The following ECI1 variants were observed in gnomAD, a reference collection of about 807,000 sequenced individuals.
ECI1 encodes enoyl-CoA delta isomerase 1, mitochondrial.
Under a neutral mutation model 34.2 loss-of-function variants are expected in ECI1, and 34 were observed. That is an observed-to-expected ratio of 1.00 (90% confidence interval 0.76 to 1.33). The LOEUF (loss-of-function observed/expected upper bound fraction) is 1.33, where lower values mean the gene tolerates loss of function less well. Among genes scored for constraint, ECI1 ranks in the 40% most tolerant of loss-of-function variants. ECI1 has a pLI of 0.00. For synonymous variants in ECI1, 211 were observed against 193.0 expected, an observed-to-expected ratio of 1.09 and a Z score of -0.77; for missense variants, 456 against 422.2, an observed-to-expected ratio of 1.08 and a Z score of -0.70.
chr16:2,248,320 C>T (rs557880107), intron 2 of ECI1, among the ~76,000 whole-genome samples: 11 of 151,990 alleles, frequency 7.2e-5, no homozygotes, highest in African/African-American at 1.2e-4. Flanking sequence ...AGGATGGTCT[C>T]GATCTCTTGA....
At chr16:2,250,422 T>C (rs891217882) in intron 2 of ECI1, among the ~76,000 whole-genome samples, 7 of 152,272 alleles carry the variant, frequency 4.6e-5, no homozygotes, top group African/African-American at 1.4e-4. Flanking sequence ...CTGTGCAAAG[T>C]TGGGCACAGC....
intron 3 of ECI1, among the ~76,000 whole-genome samples, chr16:2,245,032 CAAGG>C (rs2093537025): frequency 6.6e-6 from 1 of 152,142 alleles, no homozygotes; most frequent in African/African-American, 2.4e-5. Flanking sequence ...CAGCAGCTAC[CAAGG>C]AAGGGCGAGG....
chr16:2,249,346 G>T (rs951723250), intron 2 of ECI1, among the ~76,000 whole-genome samples: 9 of 151,992 alleles, frequency 5.9e-5, no homozygotes, highest in African/African-American at 2.2e-4. Context: ...ACCGGGCCCG[G>T]ACTCAAAAAC....
At chr16:2,250,254 ACAT>A (rs1246231155) in intron 2 of ECI1, among the ~76,000 whole-genome samples, 3 of 113,190 alleles carry the variant, frequency 2.7e-5, no homozygotes, top group African/African-American at 1.1e-4. Flanking sequence ...GAGCAAGACT[ACAT>A]CTCCAAAAAA....
chr16:2,248,650 G>A (rs142890068), intron 2 of ECI1, among the ~76,000 whole-genome samples: 2 of 152,024 alleles, frequency 1.3e-5, no homozygotes, highest in African/African-American at 4.8e-5. Context: ...CTGACCTCAG[G>A]TGATCCTCCT....
At chr16:2,244,119 A>C in intron 4 of ECI1, 1 of 513,740 alleles carries the variant, frequency 1.9e-6, no homozygotes, top group South Asian at 2.1e-5. Flanking sequence ...TCACCCACTC[A>C]CCCACACAGC....
intron 2 of ECI1, among the ~76,000 whole-genome samples, chr16:2,247,786 A>C (rs1454695369): frequency 6.6e-6 from 1 of 152,120 alleles, no homozygotes; most frequent in Non-Finnish European, 1.5e-5. Context: ...TGGTTACTGC[A>C]GCTTTGACCT....
Position 2,242,975 on chromosome 16 carries a change from G to C in ECI1, c.742+71C>G, listed in dbSNP as rs141852288. 4.8e-6 allele frequency: 6 copies of C among 1,256,274 alleles called. No individual in the cohort carries two copies. In the African/African-American group the frequency reaches 5.8e-5, roughly 12 times the overall value. 77.8% of individuals were successfully genotyped at this position (1,256,274 alleles called of 1,614,324 possible). A position where few individuals can be genotyped will look rare whatever the true frequency, so the allele number is the denominator to read the frequency against. ...GTCTCCCGAAGTCACGATGTCCACAGAAAACCTTTGGGTGGAGAACCTTCT... is the reference window on the plus strand; with the variant it reads ...GTCTCCCGAAGTCACGATGTCCACACAAAACCTTTGGGTGGAGAACCTTCT... On this transcript the variant is annotated intron_variant, in intron 6 of 6. Coordinates refer to ENST00000301729, the MANE Select transcript of ECI1 (RefSeq NM_001919.4).
Position 2,244,503 on chromosome 16 carries a change from C to T in ECI1, c.344G>A (p.Gly115Glu), listed in dbSNP as rs1474825185. 7 of 1,605,616 alleles carry T rather than the reference C, an allele frequency of 4.4e-6. No homozygotes were observed. The highest frequency in any genetic ancestry group is 1.1e-5 in the South Asian group (1 of 89,608). Residue 115 changes from glycine (G) to glutamate (E), a missense_variant, in exon 4 of 7, where the codon GGG becomes GAG. Physicochemically the swap from Gly to Glu is moderately conservative, Grantham distance 98. Transcript: ENST00000301729. ...SAGLDLTEMC[G>E]RSPAHYAGYW... ...CCCAGCGTAGTGGGCGGGGCTCCTC[C>T]CACACATCTCCGTCAGGTCCAGGCC...
chr16:2,242,739 C>T (rs1437822706), intron 6 of ECI1: 5 of 469,338 alleles, frequency 1.1e-5, no homozygotes, highest in Non-Finnish European at 1.9e-5. Context: ...GAGGCGCCCA[C>T]AAGCCCAGGG....
intron 2 of ECI1, among the ~76,000 whole-genome samples, chr16:2,249,303 C>A (rs1197648332): frequency 6.6e-6 from 1 of 151,872 alleles, no homozygotes; most frequent in Non-Finnish European, 1.5e-5. Flanking sequence ...CGCACCCTGG[C>A]CTCCCAAAGT....
At chr16:2,248,047 T>C (rs2093544475) in intron 2 of ECI1, among the ~76,000 whole-genome samples, 1 of 152,166 alleles carries the variant, frequency 6.6e-6, no homozygotes, top group Non-Finnish European at 1.5e-5. Context: ...AACAATTTTA[T>C]TTATTCTATA....
chr16:2,240,355 C>G lies in ECI1; in HGVS notation c.743-210G>C, dbSNP rs142444188. The G allele has an allele frequency of 5.8e-3, 3,074 of 526,314 alleles. 76 individuals are homozygous for G. The highest frequency in any genetic ancestry group is 0.053 in the African/African-American group (2,717 of 51,470). The allele number at this position is 526,314 out of a possible 1,614,324, so 32.6% of individuals were successfully genotyped here. A position where few individuals can be genotyped will look rare whatever the true frequency, so the allele number is the denominator to read the frequency against. On this transcript the variant is annotated intron_variant, in intron 6 of 6. Coordinates refer to ENST00000301729, the MANE Select transcript of ECI1 (RefSeq NM_001919.4). ...GCCTCTTGAGTAGCTGGGATTACAA[C>G]CGTGTGCCACCACACCCGGCTAATT...
In ECI1 at chr16:2,251,305, C is replaced by T. The variant is rs2093553048; in HGVS notation, c.166+11G>A. 2 of 1,184,294 alleles carry T rather than the reference C, an allele frequency of 1.7e-6. No homozygotes were observed. Among genetic ancestry groups the T allele is most frequent in the Non-Finnish European group, 2.1e-6 (2 of 951,688 alleles). 73.4% of individuals were successfully genotyped at this position (1,184,294 alleles called of 1,614,324 possible). A position where few individuals can be genotyped will look rare whatever the true frequency, so the allele number is the denominator to read the frequency against. ...CCCCACGCCCGCCCTCCCTCGGCGC[C>T]GCCCGCTCACCTGCGCCCGCGTCCG... On this transcript the variant is annotated intron_variant, in intron 2 of 6. Transcript: ENST00000301729.
chr16:2,247,227 G>A (rs1216290417), intron 2 of ECI1, among the ~76,000 whole-genome samples: 1 of 152,164 alleles, frequency 6.6e-6, no homozygotes, highest in Admixed American at 6.6e-5. Flanking sequence ...CTCCTGAGTA[G>A]CTGGGACTAC....
chr16:2,239,807 T>G lies in ECI1; in HGVS notation c.*172A>C. 3 of 696,908 alleles carry G rather than the reference T, an allele frequency of 4.3e-6. No homozygotes were observed. The highest frequency in any genetic ancestry group is 7.6e-6 in the Non-Finnish European group (3 of 395,286). 43.2% of individuals were successfully genotyped at this position (696,908 alleles called of 1,614,324 possible). ...CCTGACGGGCACAGGCACCCATGTG[T>G]GTTTGTGTGTGGCTGGGCCTTGGGC... is the stretch of plus-strand genomic sequence containing the variant. On this transcript the variant is annotated 3_prime_UTR_variant, in exon 7 of 7. Coordinates refer to ENST00000301729, the MANE Select transcript of ECI1 (RefSeq NM_001919.4).
At chr16:2,250,920 C>G (rs1596790457) in intron 2 of ECI1, among the ~76,000 whole-genome samples, 1 of 151,660 alleles carries the variant, frequency 6.6e-6, no homozygotes, top group East Asian at 1.9e-4. Flanking sequence ...CTCCCAGATT[C>G]CAGCGATTCT....
At chr16:2,249,284 C>T (rs975467662) in intron 2 of ECI1, among the ~76,000 whole-genome samples, 3 of 151,686 alleles carry the variant, frequency 2.0e-5, no homozygotes, top group African/African-American at 7.3e-5. Context: ...CTCCTGACCT[C>T]GTGATCCGCG....
intron 3 of ECI1, 145 bp from the exon 4 acceptor site, chr16:2,244,697 C>A: frequency 2.4e-6 from 2 of 836,458 alleles, no homozygotes; most frequent in Non-Finnish European, 3.7e-6. Context: ...AGAGCCAGGA[C>A]TAGGCGCTCC....
Sources: allele counts gnomAD v4.1 joint callset (sites outside exome capture counted in the v4.1 genomes callset), GRCh38; gene constraint gnomAD v4.1.1; transcripts MANE v1.5; gene names NCBI Gene and HGNC (gene_info 2026-07-23, HGNC 2026-07-21).